The following ATP2B2 variants were observed in gnomAD, a reference collection of about 807,000 sequenced individuals.
ATP2B2 encodes ATPase plasma membrane Ca2+ transporting 2.
A neutral mutation model predicts 120.0 loss-of-function variants in ATP2B2; 15 were observed. That is an observed-to-expected ratio of 0.12 (90% CI 0.08 to 0.19). ATP2B2 has a LOEUF of 0.19. Ranked by LOEUF, ATP2B2 falls within the 10% of genes least tolerant of loss-of-function variation. The pLI, the probability that ATP2B2 is intolerant of heterozygous loss-of-function variation, is 1.00. For synonymous variants in ATP2B2, 694 were observed against 700.3 expected (o/e 0.99, Z 0.14); for missense variants, 1,045 against 1,719.8 (o/e 0.61, Z 6.94).
At chr3:10,332,235 A>G in intron 22 of ATP2B2, 1 of 566,340 alleles carries the variant, frequency 1.8e-6, no homozygotes, top group Non-Finnish European at 3.2e-6. Flanking sequence ...AGGAGTCGTC[A>G]GAACCAGGAA....
At chr3:10,498,302 C>T (rs575876139) in intron 1 of ATP2B2, among the ~76,000 whole-genome samples, 1 of 152,348 alleles carries the variant, frequency 6.6e-6, no homozygotes, top group Non-Finnish European at 1.5e-5. Flanking sequence ...ATGTTGTCCT[C>T]AACTACTGCG....
In ATP2B2 at chr3:10,350,575, G is replaced by T. The variant is rs763366873; in HGVS notation, c.2139C>A (p.Val713=). 1.2e-6 allele frequency: 2 copies of T among 1,612,158 alleles called. No homozygotes were observed. The highest frequency in any genetic ancestry group is 1.7e-6 in the Non-Finnish European group (2 of 1,179,966). The part of the protein sequence containing the change: ...VGIEDPVRPE[V]PEAIRKCQRA... Reference sequence around the variant, plus strand: ...GCTGGCACTTGCGGATGGCTTCTGGGACCTGGGCAGGAGGGCAGGGGCCAT... The same window carrying T: ...GCTGGCACTTGCGGATGGCTTCTGGTACCTGGGCAGGAGGGCAGGGGCCAT... The change falls in exon 15 of 23, where the codon GTC becomes GTA. Residue 713 remains valine (V), a splice_region_variant and synonymous_variant. Transcript: ENST00000360273.
At position 10,400,755 on chromosome 3, in the gene ATP2B2, G is replaced by A. The variant is rs9647359; in HGVS notation, c.781+198C>T. On this transcript the variant is annotated intron_variant, in intron 5 of 22. Coordinates refer to ENST00000360273, the MANE Select transcript of ATP2B2 (RefSeq NM_001001331.4). ...TATTCGCCGCAGTCTCCCCAGGGCTGGGGTTGCTGAGTGCACAGTAGGCTC... is the reference window on the plus strand; with the variant it reads ...TATTCGCCGCAGTCTCCCCAGGGCTAGGGTTGCTGAGTGCACAGTAGGCTC... Among the ~76,000 whole-genome samples the A allele has an allele frequency of 0.046, 7,041 of 152,342 alleles. 190 individuals are homozygous for A. The highest frequency in any genetic ancestry group is 0.071 in the Middle Eastern group (21 of 294).
At chr3:10,363,237 C>A (rs1245191955) in intron 12 of ATP2B2, among the ~76,000 whole-genome samples, 1 of 152,220 alleles carries the variant, frequency 6.6e-6, no homozygotes, top group Non-Finnish European at 1.5e-5. Context: ...GGACCCTCCC[C>A]TTTTCTCTTC....
intron 1 of ATP2B2, among the ~76,000 whole-genome samples, chr3:10,683,744 A>ATGTGTGTGTG (rs1559520007): frequency 2.4e-5 from 1 of 41,430 alleles, no homozygotes; most frequent in African/African-American, 9.6e-5. Flanking sequence ...ATATGTGTAT[A>ATGTGTGTGTG]TATATGTGTG....
chr3:10,385,556 C>A (rs1385068161), intron 7 of ATP2B2, among the ~76,000 whole-genome samples: 1 of 152,114 alleles, frequency 6.6e-6, no homozygotes, highest in African/African-American at 2.4e-5. Context: ...TCAAATAAAG[C>A]ATGGTGGATG....
intron 3 of ATP2B2, among the ~76,000 whole-genome samples, chr3:10,532,048 C>G (rs7643530): frequency 6.6e-6 from 1 of 150,510 alleles, no homozygotes; most frequent in Non-Finnish European, 1.5e-5. Flanking sequence ...GTGCCCCTCA[C>G]CCCCCCATCC....
In ATP2B2 at chr3:10,626,908, ACACACACACT is replaced by A. The variant is rs1392127009; in HGVS notation, c.-459-6957_-459-6948del. ...CACACACACACACACACACACACAC[ACACACACACT>A]TTTCATTTACCAATGAGACACTGAG... On this transcript the variant is annotated intron_variant, in intron 1 of 21. Coordinates refer to the ATP2B2 transcript ENST00000646379. 6 of 88,752 alleles carry A rather than the reference ACACACACACT, an allele frequency of 6.8e-5. 1 individual carries two copies. The highest frequency in any genetic ancestry group is 2.3e-4 in the African/African-American group (6 of 26,642). 5.5% of individuals were successfully genotyped at this position (88,752 alleles called of 1,614,324 possible).
chr3:10,346,832 G>T lies in ATP2B2; in HGVS notation c.2405-695C>A, dbSNP rs2060445855. Among the ~76,000 whole-genome samples the T allele has an allele frequency of 6.6e-6, 1 of 152,056 alleles. No homozygotes were observed. On this transcript the variant is annotated intron_variant, in intron 16 of 22. Transcript: ENST00000360273. The surrounding 1 kb of genome is among the most constrained non-coding windows in gnomAD (Gnocchi z 4.1). ...TGTCCATGGGCACGACAGGAATTTG[G>T]GTATCAGCATCCATGGGTCTCTCAT...
intron 6 of ATP2B2, among the ~76,000 whole-genome samples, chr3:10,386,895 TG>T (rs1314988683): frequency 2.0e-5 from 3 of 152,232 alleles, no homozygotes; most frequent in African/African-American, 7.2e-5. Flanking sequence ...CTGGGGCAGT[TG>T]ACACTTGTCT....
intron 22 of ATP2B2, among the ~76,000 whole-genome samples, chr3:10,335,970 C>T (rs1475371126): frequency 1.3e-5 from 2 of 152,226 alleles, no homozygotes; most frequent in African/African-American, 2.4e-5. Flanking sequence ...TGGCTACGCT[C>T]TCCTGACCAA....
chr3:10,533,467 G>A lies in ATP2B2; in HGVS notation c.-320+572C>T, dbSNP rs60030998. ...TCAGAGGGGCTGTCCCAGTTGCAGAGCTAGTATTTGAACCTGGGACTGAGT... is the reference window on the plus strand; with the variant it reads ...TCAGAGGGGCTGTCCCAGTTGCAGAACTAGTATTTGAACCTGGGACTGAGT... On this transcript the variant is annotated intron_variant, in intron 3 of 21. Transcript: ENST00000646379. Among the ~76,000 whole-genome samples, 2,164 of 152,306 alleles carry A rather than the reference G, an allele frequency of 0.014. 152 individuals carry two copies. In the East Asian group the frequency reaches 0.21, roughly 15 times the overall value.
intron 2 of ATP2B2, among the ~76,000 whole-genome samples, chr3:10,439,756 C>A (rs759847265): frequency 2.6e-5 from 4 of 152,012 alleles, no homozygotes; most frequent in African/African-American, 9.7e-5. Context: ...TGGCTCATGC[C>A]TGTAATCCCA....
At chr3:10,623,806 G>A (rs1445706149) in intron 1 of ATP2B2, among the ~76,000 whole-genome samples, 3 of 152,168 alleles carry the variant, frequency 2.0e-5, no homozygotes, top group Non-Finnish European at 2.9e-5. Flanking sequence ...CAGCCCACGT[G>A]AACCTCATTC....
At chr3:10,392,927 T>C (rs2061902656) in intron 5 of ATP2B2, among the ~76,000 whole-genome samples, 1 of 152,176 alleles carries the variant, frequency 6.6e-6, no homozygotes, top group South Asian at 2.1e-4. Flanking sequence ...GACAGCTACA[T>C]CTCGGGAAGA....
chr3:10,338,664 G>A (rs1245112516), intron 21 of ATP2B2: 3 of 399,906 alleles, frequency 7.5e-6, no homozygotes, highest in Non-Finnish European at 1.4e-5. Context: ...TTGGACAGAT[G>A]TGGCTTTGAA....
At chr3:10,396,504 C>A (rs184596175) in intron 5 of ATP2B2, among the ~76,000 whole-genome samples, 3 of 152,380 alleles carry the variant, frequency 2.0e-5, no homozygotes, top group East Asian at 3.9e-4. Context: ...CCAGCCTGGT[C>A]TCTCTGTGTT....
chr3:10,580,929 T>C (rs2068374825), intron 2 of ATP2B2, among the ~76,000 whole-genome samples: 1 of 152,226 alleles, frequency 6.6e-6, no homozygotes, highest in Non-Finnish European at 1.5e-5. Flanking sequence ...GTCATCTAAC[T>C]TGCAAGGCCT....
intron 12 of ATP2B2, among the ~76,000 whole-genome samples, chr3:10,366,498 G>C (rs888131912): frequency 4.6e-5 from 7 of 152,180 alleles, no homozygotes; most frequent in African/African-American, 1.4e-4. Flanking sequence ...TCTCTCAATA[G>C]CTTATGTTTC....
Sources: allele counts gnomAD v4.1 joint callset (sites outside exome capture counted in the v4.1 genomes callset), GRCh38; gene constraint gnomAD v4.1.1; non-coding constraint Gnocchi (gnomAD v3.1); transcripts MANE v1.5; gene names NCBI Gene and HGNC (gene_info 2026-07-23, HGNC 2026-07-21).